The following PLCXD3 variants were observed in gnomAD, a reference collection of about 807,000 sequenced individuals.
PLCXD3 encodes the protein PI-PLC X domain-containing protein 3.
PLCXD3 carries 19 observed loss-of-function variants against 25.5 expected under a neutral mutation model. That is an observed-to-expected ratio of 0.75 (90% CI 0.52 to 1.09). The LOEUF is 1.09. Among genes scored for constraint, PLCXD3 ranks in the 50% least tolerant of loss-of-function variants. The pLI, the probability that PLCXD3 is intolerant of heterozygous loss-of-function variation, is 0.00. For missense variants in PLCXD3, 411 were observed against 388.1 expected, an observed-to-expected ratio of 1.06 and a Z score of -0.50; for synonymous variants, 174 against 137.6, an observed-to-expected ratio of 1.26 and a Z score of -1.85.
At chr5:41,473,817 C>T (rs1748224841) in intron 1 of PLCXD3, among the ~76,000 whole-genome samples, 1 of 152,166 alleles carries the variant, frequency 6.6e-6, no homozygotes, top group Non-Finnish European at 1.5e-5. Flanking sequence ...GAGAAGGGCA[C>T]ATAGTGAAGC....
chr5:41,354,292 T>C (rs567201204), intron 2 of PLCXD3, among the ~76,000 whole-genome samples: 1 of 152,324 alleles, frequency 6.6e-6, no homozygotes, highest in East Asian at 1.9e-4. Context: ...AGGACCTGAA[T>C]GTCCTACAAA....
intron 2 of PLCXD3, among the ~76,000 whole-genome samples, chr5:41,322,790 C>T (rs2150470604): frequency 6.8e-6 from 1 of 147,814 alleles, no homozygotes; most frequent in Admixed American, 6.8e-5. Context: ...TCCTGGCCAA[C>T]ATGGTGAAAC....
intron 1 of PLCXD3, among the ~76,000 whole-genome samples, chr5:41,391,630 T>A (rs1011248325): frequency 1.3e-5 from 2 of 152,140 alleles, no homozygotes; most frequent in African/African-American, 4.8e-5. Flanking sequence ...CTCAGCACAT[T>A]ACCACCTGTG....
At chr5:41,361,012 A>G (rs1183018018) in intron 2 of PLCXD3, among the ~76,000 whole-genome samples, 1 of 152,050 alleles carries the variant, frequency 6.6e-6, no homozygotes, top group Non-Finnish European at 1.5e-5. Flanking sequence ...AGGTAGAGAA[A>G]GACTACCAAG....
At position 41,311,190 on chromosome 5, in the gene PLCXD3, T is replaced by G. The variant is rs1315324956; in HGVS notation, c.*2427A>C. On this transcript the variant is annotated 3_prime_UTR_variant, in exon 3 of 3. Transcript: ENST00000377801. ...AATGAATAGCCAGTTAGAGAGAAAG[T>G]CTGCCCAAAAACCAAATTTACGGGA... 1 of 152,146 alleles carries G rather than the reference T, an allele frequency of 6.6e-6. No individual in the cohort carries two copies. Among genetic ancestry groups the G allele is most frequent in the Admixed American group, 6.6e-5 (1 of 15,262 alleles). 9.4% of individuals were successfully genotyped at this position (152,146 alleles called of 1,614,324 possible).
chr5:41,339,501 T>C (rs567410061), intron 2 of PLCXD3, among the ~76,000 whole-genome samples: 6 of 152,066 alleles, frequency 3.9e-5, no homozygotes, highest in South Asian at 2.1e-4. Context: ...TAGTTGGTCA[T>C]GTAAATTATC....
chr5:41,327,771 C>G (rs1561233188), intron 2 of PLCXD3, among the ~76,000 whole-genome samples: 1 of 151,992 alleles, frequency 6.6e-6, no homozygotes, highest in Non-Finnish European at 1.5e-5. Flanking sequence ...AAAAATGTCC[C>G]CCACCATTCT....
intron 1 of PLCXD3, among the ~76,000 whole-genome samples, chr5:41,434,744 T>C (rs1747203219): frequency 6.6e-6 from 1 of 152,008 alleles, no homozygotes; most frequent in Non-Finnish European, 1.5e-5. Context: ...AGGCATTGTG[T>C]AGAAAAGTGG....
At position 41,309,064 on chromosome 5, in the gene PLCXD3, ATG is replaced by A. The variant is rs763294476; in HGVS notation, c.*4551_*4552del. The stretch of plus-strand genomic sequence containing the variant: ...TGTTAATAAATTAAGGCTGGTCACA[ATG>A]TGCCCTTTTTCTTTAGGATAAGTTT... On this transcript the variant is annotated 3_prime_UTR_variant, in exon 3 of 3. Coordinates refer to ENST00000377801, the MANE Select transcript of PLCXD3 (RefSeq NM_001005473.3). 6.6e-6 allele frequency: 1 copy of A among 152,560 alleles called. No homozygotes were observed. Among genetic ancestry groups the A allele is most frequent in the Non-Finnish European group, 1.5e-5 (1 of 68,016 alleles). The allele number at this position is 152,560 out of a possible 1,614,324, so 9.5% of individuals were successfully genotyped here.
At chr5:41,337,323 A>T (rs1397116714) in intron 2 of PLCXD3, among the ~76,000 whole-genome samples, 1 of 152,084 alleles carries the variant, frequency 6.6e-6, no homozygotes, top group Non-Finnish European at 1.5e-5. Flanking sequence ...AGGCTCAGAA[A>T]ATCTAAAGCT....
chr5:41,430,777 G>A (rs936111428), intron 1 of PLCXD3, among the ~76,000 whole-genome samples: 2 of 152,048 alleles, frequency 1.3e-5, no homozygotes, highest in African/African-American at 4.8e-5. Context: ...GCTTTTGGGG[G>A]AAATAAAACT....
At chr5:41,428,092 A>C (rs1272994014) in intron 1 of PLCXD3, among the ~76,000 whole-genome samples, 1 of 152,104 alleles carries the variant, frequency 6.6e-6, no homozygotes, top group Non-Finnish European at 1.5e-5. Flanking sequence ...GGAAGGCATT[A>C]AAACCTAAAC....
At chr5:41,469,002 C>T (rs1447385886) in intron 1 of PLCXD3, among the ~76,000 whole-genome samples, 5 of 152,176 alleles carry the variant, frequency 3.3e-5, no homozygotes, top group African/African-American at 1.2e-4. Flanking sequence ...GGAATGATGT[C>T]AGCTACAGGT....
At chr5:41,348,643 GT>G (rs1744369113) in intron 2 of PLCXD3, among the ~76,000 whole-genome samples, 1 of 147,050 alleles carries the variant, frequency 6.8e-6, no homozygotes. Context: ...GAGTTTTTTT[GT>G]TTGTTTGTTT....
chr5:41,428,374 G>GTTTTTTTTTTTTTTTTTTTTTTTTT lies in PLCXD3; in HGVS notation c.104-45841_104-45840insAAAAAAAAAAAAAAAAAAAAAAAAA, dbSNP rs373244601. 4.4e-5 allele frequency among the ~76,000 whole-genome samples: 4 copies of GTTTTTTTTTTTTTTTTTTTTTTTTT among 91,598 alleles called. 1 individual carries two copies. The highest frequency in any genetic ancestry group is 7.0e-5 in the Non-Finnish European group (3 of 43,080). 60.1% of individuals were successfully genotyped at this position (91,598 alleles called of 152,430 possible). ...TAAAGAGGTGATTAAGTTAAAATGA[G>GTTTTTTTTTTTTTTTTTTTTTTTTT]TTTTTTTGTTTTTGTTTTTGTTTTT... On this transcript the variant is annotated intron_variant, in intron 1 of 2. Transcript: ENST00000377801.
chr5:41,421,445 T>G (rs901952746), intron 1 of PLCXD3, among the ~76,000 whole-genome samples: 3 of 152,138 alleles, frequency 2.0e-5, no homozygotes, highest in Admixed American at 2.0e-4. Flanking sequence ...CTCACGCCTG[T>G]AATCCCAGCA....
intron 1 of PLCXD3, among the ~76,000 whole-genome samples, chr5:41,448,954 A>G (rs1747567015): frequency 1.3e-5 from 2 of 152,176 alleles, no homozygotes; most frequent in Non-Finnish European, 2.9e-5. Context: ...CCCAAATGCT[A>G]AACATGCACA....
intron 2 of PLCXD3, among the ~76,000 whole-genome samples, chr5:41,370,534 G>A (rs974254421): frequency 6.6e-6 from 1 of 152,074 alleles, no homozygotes; most frequent in African/African-American, 2.4e-5. Context: ...ATTTGGTTAG[G>A]TAGGACACGC....
chr5:41,373,140 A>G lies in PLCXD3; in HGVS notation c.812+8686T>C, dbSNP rs191743184. ...ACCCCCTTCTTCACTAACTGCCACT[A>G]AAAGACTTTCTTTCCCAAGAGTTAA... On this transcript the variant is annotated intron_variant, in intron 2 of 2. Transcript: ENST00000377801. 5.1e-3 allele frequency among the ~76,000 whole-genome samples: 784 copies of G among 152,264 alleles called. 9 individuals carry two copies. Among genetic ancestry groups the G allele is most frequent in the African/African-American group, 0.017 (723 of 41,564 alleles).
Sources: allele counts gnomAD v4.1 joint callset (sites outside exome capture counted in the v4.1 genomes callset), GRCh38; gene constraint gnomAD v4.1.1; transcripts MANE v1.5; gene names NCBI Gene and HGNC (gene_info 2026-07-23, HGNC 2026-07-21).